The following ASIC2 variants were observed in gnomAD, a reference collection of about 807,000 sequenced individuals.
ASIC2 encodes the protein acid-sensing ion channel 2.
A neutral mutation model predicts 57.3 loss-of-function variants in ASIC2; 25 were observed. The observed-to-expected ratio is 0.44, with a 90% confidence interval of 0.32 to 0.61. The LOEUF is 0.61. ASIC2 is among the 20% of genes least tolerant of loss of function. The pLI, the probability that ASIC2 is intolerant of heterozygous loss-of-function variation, is 0.06. For synonymous variants in ASIC2, 319 were observed against 307.5 expected, an observed-to-expected ratio of 1.04 and a Z score of -0.39; for missense variants, 641 against 738.1, an observed-to-expected ratio of 0.87 and a Z score of 1.52.
rs146252119 is a variant in ASIC2, at chr17:33,966,591, C to T, written c.555+189387G>A. Among the ~76,000 whole-genome samples the T allele has an allele frequency of 2.9e-3, 440 of 152,304 alleles. 4 individuals are homozygous for T. Among genetic ancestry groups the T allele is most frequent in the African/African-American group, 0.01 (424 of 41,552 alleles). ...GGATTACACTGTGTTGTTCACTAAC[C>T]ACACACCTGATAGTATGAGAAGTAG... On this transcript the variant is annotated intron_variant, in intron 1 of 9. Coordinates refer to the ASIC2 transcript ENST00000359872.
At chr17:33,526,807 C>T (rs555710020) in intron 1 of ASIC2, among the ~76,000 whole-genome samples, 1 of 151,172 alleles carries the variant, frequency 6.6e-6, no homozygotes, top group African/African-American at 2.4e-5. Context: ...CCACTGTAAA[C>T]AGTTCTGTGA....
chr17:33,757,161 C>T (rs1264164405), intron 1 of ASIC2, among the ~76,000 whole-genome samples: 1 of 152,180 alleles, frequency 6.6e-6, no homozygotes, highest in Admixed American at 6.5e-5. Context: ...CTGCCCTTCT[C>T]TTCCTTTTCC....
At chr17:33,900,132 C>A (rs755470295) in intron 1 of ASIC2, among the ~76,000 whole-genome samples, 2 of 152,180 alleles carry the variant, frequency 1.3e-5, no homozygotes, top group Non-Finnish European at 2.9e-5. Context: ...AAAATTAGTT[C>A]CTTCCTTTTC....
At chr17:34,092,870 T>C (rs1910381824) in intron 1 of ASIC2, among the ~76,000 whole-genome samples, 1 of 152,194 alleles carries the variant, frequency 6.6e-6, no homozygotes, top group African/African-American at 2.4e-5. Context: ...GACTTTATAC[T>C]TTTATTATGT....
At chr17:33,637,448 A>C (rs935605780) in intron 1 of ASIC2, among the ~76,000 whole-genome samples, 1 of 152,200 alleles carries the variant, frequency 6.6e-6, no homozygotes, top group Non-Finnish European at 1.5e-5. Context: ...GGAGATTTTT[A>C]GCATCAGAAA....
chr17:33,112,409 TG>T (rs1446404520), intron 1 of ASIC2, among the ~76,000 whole-genome samples: 1 of 152,158 alleles, frequency 6.6e-6, no homozygotes, highest in African/African-American at 2.4e-5. Flanking sequence ...CCTCCAGCCC[TG>T]GGCTCTCTTC....
intron 1 of ASIC2, among the ~76,000 whole-genome samples, chr17:33,735,737 C>T (rs1909892754): frequency 6.6e-6 from 1 of 152,122 alleles, no homozygotes; most frequent in Admixed American, 6.5e-5. Flanking sequence ...TCCCTGGGAT[C>T]ACTCACTGTG....
chr17:33,058,445 C>G (rs1215708801), intron 3 of ASIC2, among the ~76,000 whole-genome samples: 1 of 139,524 alleles, frequency 7.2e-6, no homozygotes, highest in Non-Finnish European at 1.5e-5. Context: ...TTTTCTACCA[C>G]TGTTTTTTCT....
chr17:33,085,690 A>T (rs966659395), intron 3 of ASIC2, among the ~76,000 whole-genome samples: 41 of 152,232 alleles, frequency 2.7e-4, no homozygotes, highest in African/African-American at 8.0e-4. Context: ...CATGAAAGAG[A>T]TGGAAAGCCC....
At chr17:33,615,225 T>A (rs1430873364) in intron 1 of ASIC2, among the ~76,000 whole-genome samples, 1 of 152,216 alleles carries the variant, frequency 6.6e-6, no homozygotes, top group Admixed American at 6.5e-5. Context: ...ATATGGCTAA[T>A]TTCAAAGATT....
At chr17:33,782,945 T>A (rs903626332) in intron 1 of ASIC2, among the ~76,000 whole-genome samples, 1 of 152,154 alleles carries the variant, frequency 6.6e-6, no homozygotes, top group African/African-American at 2.4e-5. Context: ...CAAAACTTCC[T>A]CGCCTCAGAA....
chr17:33,726,889 C>T (rs1428919025), intron 1 of ASIC2, among the ~76,000 whole-genome samples: 1 of 152,218 alleles, frequency 6.6e-6, no homozygotes, highest in Non-Finnish European at 1.5e-5. Context: ...GATACTTGGT[C>T]TTGCAGCCAT....
chr17:33,034,945 T>C (rs2091902809), intron 3 of ASIC2, among the ~76,000 whole-genome samples: 1 of 152,254 alleles, frequency 6.6e-6, no homozygotes, highest in Admixed American at 6.5e-5. Flanking sequence ...CTTTCAGGGA[T>C]ACCACTTATA....
Position 33,446,084 on chromosome 17 carries a change from G to A in ASIC2, c.556-334017C>T, listed in dbSNP as rs117736763. ...ACTGGAAGATGGAGTAGGAGACCAT[G>A]TCTACCACACCGCTGAAAGAGATGG... On this transcript the variant is annotated intron_variant, in intron 1 of 9. Transcript: ENST00000359872. Among the ~76,000 whole-genome samples, 1,060 of 152,044 alleles carry A rather than the reference G, an allele frequency of 7.0e-3. 49 individuals carry two copies. In the East Asian group the frequency reaches 0.095, roughly 14 times the overall value.
At chr17:33,371,744 T>C (rs1775528069) in intron 1 of ASIC2, among the ~76,000 whole-genome samples, 1 of 152,074 alleles carries the variant, frequency 6.6e-6, no homozygotes, top group African/African-American at 2.4e-5. Context: ...GAAAAGCAAA[T>C]TTCAAAGCAG....
intron 1 of ASIC2, among the ~76,000 whole-genome samples, chr17:33,838,726 A>T (rs1913343031): frequency 6.6e-6 from 1 of 152,208 alleles, no homozygotes; most frequent in African/African-American, 2.4e-5. Context: ...GCTCTGGATC[A>T]GTGGTCTGCC....
In ASIC2 at chr17:33,460,636, CA is replaced by C. The variant is rs556863182; in HGVS notation, c.556-348570del. 7.9e-5 allele frequency among the ~76,000 whole-genome samples: 12 copies of C among 152,288 alleles called. No individual in the cohort carries two copies. In the East Asian group the frequency reaches 2.1e-3, roughly 27 times the overall value. On this transcript the variant is annotated intron_variant, in intron 1 of 9. Coordinates refer to the ASIC2 transcript ENST00000359872. ...ATCAACAAAGGAATGCTTTCTGTTT[CA>C]AAATGACAGATTCTGTAGGAGCTAA...
chr17:33,241,337 T>C (rs1908500822), intron 1 of ASIC2, among the ~76,000 whole-genome samples: 1 of 152,244 alleles, frequency 6.6e-6, no homozygotes, highest in Non-Finnish European at 1.5e-5. Context: ...GCTACCTCTA[T>C]TCCTTTGCTA....
intron 1 of ASIC2, among the ~76,000 whole-genome samples, chr17:33,242,937 C>T (rs573277251): frequency 6.6e-6 from 1 of 152,314 alleles, no homozygotes; most frequent in East Asian, 1.9e-4. Context: ...ACCCTCACTC[C>T]TGCACACCAG....
Sources: allele counts gnomAD v4.1 joint callset (sites outside exome capture counted in the v4.1 genomes callset), GRCh38; gene constraint gnomAD v4.1.1; transcripts MANE v1.5; gene names NCBI Gene and HGNC (gene_info 2026-07-23, HGNC 2026-07-21).